The following ACYP2 variants were observed in gnomAD, a reference collection of about 807,000 sequenced individuals.
The protein encoded by ACYP2 is acylphosphatase 2.
ACYP2 carries 12 observed loss-of-function variants against 11.2 expected under a neutral mutation model. That is an observed-to-expected ratio of 1.08 (90% CI 0.69 to 1.74). The LOEUF is 1.74. Ranked by LOEUF, ACYP2 falls within the 40% of genes most tolerant of loss-of-function variation. The pLI is 0.00. For synonymous variants in ACYP2, 43 were observed against 32.2 expected, an observed-to-expected ratio of 1.33 and a Z score of -1.13; for missense variants, 134 against 101.9, an observed-to-expected ratio of 1.31 and a Z score of -1.35.
intron 6 of ACYP2, among the ~76,000 whole-genome samples, chr2:54,176,441 C>A (rs929292051): frequency 6.6e-6 from 1 of 152,192 alleles, no homozygotes; most frequent in African/African-American, 2.4e-5. Flanking sequence ...GCTGTCATAC[C>A]AGCTGTGGAC....
chr2:54,267,655 C>T (rs1049043313), intron 6 of ACYP2, among the ~76,000 whole-genome samples: 2 of 152,158 alleles, frequency 1.3e-5, no homozygotes, highest in Admixed American at 1.3e-4. Context: ...CTTTCTTTAT[C>T]TACCTGGTTC....
At chr2:54,114,829 G>A (rs941183408) in intron 4 of ACYP2, among the ~76,000 whole-genome samples, 4 of 152,136 alleles carry the variant, frequency 2.6e-5, no homozygotes, top group Non-Finnish European at 5.9e-5. Flanking sequence ...ATCACAATCC[G>A]TTTAGAATAC....
At chr2:54,280,916 A>T (rs1471206216) in intron 6 of ACYP2, among the ~76,000 whole-genome samples, 2 of 152,196 alleles carry the variant, frequency 1.3e-5, no homozygotes, top group Non-Finnish European at 2.9e-5. Context: ...AATTCTTTGA[A>T]GAGAATCTAC....
intron 6 of ACYP2, among the ~76,000 whole-genome samples, chr2:54,258,857 T>G (rs547693186): frequency 9.8e-5 from 15 of 152,302 alleles, no homozygotes; most frequent in Non-Finnish European, 1.6e-4. Flanking sequence ...CAATTCTGGA[T>G]GCTGAGAAGT....
At chr2:54,258,060 A>G (rs1687632259) in intron 6 of ACYP2, among the ~76,000 whole-genome samples, 3 of 152,232 alleles carry the variant, frequency 2.0e-5, no homozygotes, top group African/African-American at 7.2e-5. Flanking sequence ...GTACTCTTAT[A>G]GGCCCTCTGG....
At chr2:54,239,607 A>G (rs755811501) in intron 6 of ACYP2, among the ~76,000 whole-genome samples, 1 of 152,214 alleles carries the variant, frequency 6.6e-6, no homozygotes, top group Non-Finnish European at 1.5e-5. Context: ...AGGCTGTGCC[A>G]TATGTCCTTG....
intron 6 of ACYP2, among the ~76,000 whole-genome samples, chr2:54,159,696 A>G (rs569100619): frequency 6.4e-4 from 97 of 152,216 alleles, no homozygotes; most frequent in African/African-American, 2.1e-3. Context: ...TTGGAAGCAC[A>G]GGGGTAGAGT....
intron 2 of ACYP2, among the ~76,000 whole-genome samples, chr2:53,981,846 C>G (rs575577810): frequency 2.0e-5 from 3 of 152,054 alleles, no homozygotes; most frequent in African/African-American, 7.2e-5. Context: ...ATGATGAAAT[C>G]GCCTAACAAT....
chr2:54,011,124 G>T (rs1027060757), intron 2 of ACYP2, among the ~76,000 whole-genome samples: 13 of 152,100 alleles, frequency 8.5e-5, no homozygotes, highest in Admixed American at 8.5e-4. Flanking sequence ...AATCTTTGTT[G>T]CTTGGCTTGT....
intron 4 of ACYP2, among the ~76,000 whole-genome samples, chr2:54,063,502 G>C (rs976225232): frequency 6.6e-6 from 1 of 152,284 alleles, no homozygotes; most frequent in East Asian, 1.9e-4. Context: ...GGCTGGGTTT[G>C]ACCCAGGAGA....
intron 2 of ACYP2, among the ~76,000 whole-genome samples, chr2:54,025,304 G>GC (rs1247009450): frequency 6.6e-6 from 1 of 152,134 alleles, no homozygotes; most frequent in Non-Finnish European, 1.5e-5. Context: ...CACATCAGGA[G>GC]CCATCACATT....
chr2:54,290,727 A>G (rs1558671862), intron 6 of ACYP2, among the ~76,000 whole-genome samples: 1 of 152,114 alleles, frequency 6.6e-6, no homozygotes, highest in Non-Finnish European at 1.5e-5. Context: ...TGGGAGATGG[A>G]GAGATCAGGG....
chr2:53,994,512 C>CAAAAAAAA lies in ACYP2; in HGVS notation c.62+20703_62+20704insAAAAAAAA, dbSNP rs759787287. ...CCAGCCTGGGTGACAGAGTAAGACT[C>CAAAAAAAA]AGAAAAAAAAAAAAAAAAAAGAGGA... On this transcript the variant is annotated intron_variant, in intron 2 of 6. Coordinates refer to ENST00000607452, the MANE Select transcript of ACYP2 (RefSeq NM_001320586.2). Among the ~76,000 whole-genome samples the CAAAAAAAA allele has an allele frequency of 1.3e-4, 4 of 30,502 alleles. 2 individuals are homozygous for CAAAAAAAA. The allele number at this position is 30,502 out of a possible 152,430, so 20.0% of individuals were successfully genotyped here.
chr2:54,198,684 C>A (rs1425594375), intron 6 of ACYP2, among the ~76,000 whole-genome samples: 8 of 151,484 alleles, frequency 5.3e-5, no homozygotes, highest in Non-Finnish European at 1.2e-4. Context: ...GTTTTAAATG[C>A]AAATATAAGA....
chr2:54,211,649 G>A (rs949326874), intron 6 of ACYP2, among the ~76,000 whole-genome samples: 1 of 152,126 alleles, frequency 6.6e-6, no homozygotes, highest in African/African-American at 2.4e-5. Flanking sequence ...AAATCTTCAT[G>A]TATTACTGGT....
intron 6 of ACYP2, among the ~76,000 whole-genome samples, chr2:54,223,374 TCCTA>T (rs1685879316): frequency 6.6e-6 from 1 of 152,226 alleles, no homozygotes; most frequent in Admixed American, 6.5e-5. Flanking sequence ...TTTAGTTACT[TCCTA>T]CCTCTTTCCA....
intron 6 of ACYP2, among the ~76,000 whole-genome samples, chr2:54,295,045 C>T (rs1689464930): frequency 6.6e-6 from 1 of 152,106 alleles, no homozygotes; most frequent in South Asian, 2.1e-4. Flanking sequence ...TACAGCTGTG[C>T]ACTGGACTTG....
chr2:54,150,844 C>T (rs2103809378), intron 6 of ACYP2, among the ~76,000 whole-genome samples: 1 of 151,472 alleles, frequency 6.6e-6, no homozygotes, highest in East Asian at 1.9e-4. Context: ...CGGGTTCATA[C>T]CATTCTCCTG....
intron 2 of ACYP2, among the ~76,000 whole-genome samples, chr2:53,989,353 G>A (rs1672178205): frequency 7.2e-6 from 1 of 139,482 alleles, no homozygotes; most frequent in South Asian, 2.3e-4. Flanking sequence ...GCCTTCCAAA[G>A]TGCTAGGATT....
Sources: gnomAD v4.1 joint callset for allele counts (sites outside exome capture counted in the v4.1 genomes callset) on GRCh38, gnomAD v4.1.1 for gene constraint, MANE v1.5 for transcripts, NCBI Gene and HGNC (gene_info 2026-07-23, HGNC 2026-07-21) for gene names.